MAK16: variants seen among roughly 807,000 people sequenced by gnomAD.
MAK16 encodes MAK16 homolog, also known as protein MAK16 homolog.
A neutral mutation model predicts 49.9 loss-of-function variants in MAK16; 12 were observed. The observed-to-expected ratio is 0.24, with a 90% CI of 0.15 to 0.39. The LOEUF is 0.39. Ranked by LOEUF, MAK16 falls within the 10% of genes least tolerant of loss-of-function variation. The pLI is 1.00. For synonymous variants in MAK16, 115 were observed against 126.4 expected (o/e 0.91, Z 0.60); for missense variants, 292 against 363.7 (o/e 0.80, Z 1.60).
At chr8:33,486,305 C>G (rs187914078) in intron 1 of MAK16, among the ~76,000 whole-genome samples, 1 of 152,134 alleles carries the variant, frequency 6.6e-6, no homozygotes, top group Non-Finnish European at 1.5e-5. Context: ...GTAATCCCAA[C>G]GCTTTGGGAG....
rs114554767 is a variant in MAK16, at chr8:33,499,875, G to T, written c.*1246G>T. On this transcript the variant is annotated 3_prime_UTR_variant, in exon 10 of 10. Transcript: ENST00000360128. ...ATGAAACCAAAGGAAGAATTTCCAT[G>T]TAGATAAATTAAGAATAGGGAAAAA... The T allele has an allele frequency of 0.015, 2,331 of 157,188 alleles. 73 individuals carry two copies. The highest frequency in any genetic ancestry group is 0.053 in the African/African-American group (2,194 of 41,550). The allele number at this position is 157,188 out of a possible 1,614,324, so 9.7% of individuals were successfully genotyped here. A position where few individuals can be genotyped will look rare whatever the true frequency, so the allele number is the denominator to read the frequency against.
chr8:33,486,143 TTG>T (rs1240003669), intron 1 of MAK16, among the ~76,000 whole-genome samples: 1 of 152,198 alleles, frequency 6.6e-6, no homozygotes, highest in African/African-American at 2.4e-5. Flanking sequence ...ATGCAGAATC[TTG>T]TAGGAAGTGT....
chr8:33,496,704 A>T lies in MAK16; in HGVS notation c.602A>T (p.Asp201Val). ...CAGGAGGCAGAGAGTGACTCTTCAG[A>T]TACTGAGGAAAAAGATGATGATGAT... Reference protein sequence around the residue: ...EQQEAESDSSDTEEKDDDDDD... With the variant: ...EQQEAESDSSVTEEKDDDDDD... The change falls in exon 8 of 10, where the codon GAT becomes GTT. Residue 201 changes from aspartate to valine, a missense_variant. Transcript: ENST00000360128. 6.2e-7 allele frequency: 1 copy of T among 1,612,860 alleles called. No homozygotes were observed. Among genetic ancestry groups the T allele is most frequent in the Non-Finnish European group, 8.5e-7 (1 of 1,179,602 alleles).
intron 6 of MAK16, among the ~76,000 whole-genome samples, chr8:33,493,095 G>A (rs1175915807): frequency 6.6e-6 from 1 of 151,624 alleles, no homozygotes; most frequent in Admixed American, 6.6e-5. Flanking sequence ...CTGTATCATT[G>A]GTCTGCAAAG....
At chr8:33,497,355 CAAA>C in intron 9 of MAK16, 58 bp downstream of exon 9, 1 of 395,984 alleles carries the variant, frequency 2.5e-6, no homozygotes, top group Non-Finnish European at 3.9e-6. Context: ...AAAAAAAAAA[CAAA>C]AACAGGGAGG....
In MAK16 at chr8:33,496,610, G is replaced by A; in HGVS notation, c.523-15G>A. 2 of 1,596,902 alleles carry A rather than the reference G, an allele frequency of 1.3e-6. No homozygotes were observed. The highest frequency in any genetic ancestry group is 1.7e-6 in the Non-Finnish European group (2 of 1,166,144). On this transcript the variant is annotated splice_polypyrimidine_tract_variant and intron_variant, in intron 7 of 9. Transcript: ENST00000360128. ...CCAAATGTAGTTAAAGCCAATCTGT[G>A]TTTATGTTCTTCAGTATGGCGACAT... is the stretch of plus-strand genomic sequence containing the variant.
At chr8:33,490,362 A>G in intron 6 of MAK16, 23 bp downstream of exon 6, 2 of 1,599,592 alleles carry the variant, frequency 1.3e-6, no homozygotes, top group Non-Finnish European at 1.7e-6. Flanking sequence ...TGAGATATTC[A>G]TACCTTCTAC....
At position 33,496,717 on chromosome 8, in the gene MAK16, A is replaced by AGATGAT. The variant is rs376700753; in HGVS notation, c.630_635dup (p.Asp210_Asp211dup). On this transcript the variant is annotated inframe_insertion, in exon 8 of 10. Coordinates refer to ENST00000360128, the MANE Select transcript of MAK16 (RefSeq NM_032509.4). ...GTGACTCTTCAGATACTGAGGAAAAAGATGATGATGATGATGATGAGGAAG... is the reference window on the plus strand; with the variant it reads ...GTGACTCTTCAGATACTGAGGAAAAAGATGATGATGATGATGATGATGATGAGGAAG... 1.2e-6 allele frequency: 2 copies of AGATGAT among 1,610,466 alleles called. No homozygotes were observed. Among genetic ancestry groups the AGATGAT allele is most frequent in the African/African-American group, 1.3e-5 (1 of 74,774 alleles).
In MAK16 at chr8:33,499,196, C is replaced by T; in HGVS notation, c.*567C>T. 6.2e-7 allele frequency: 1 copy of T among 1,614,072 alleles called. No individual in the cohort carries two copies. On this transcript the variant is annotated 3_prime_UTR_variant, in exon 10 of 10. Transcript: ENST00000360128. ...TCTTAAGTTCCATTGTAGGGTGCGC[C>T]TTCAGAAACCTGCTGCACTTTTCTG...
chr8:33,488,751 A>T lies in MAK16; in HGVS notation c.193A>T (p.Met65Leu). 6.2e-7 allele frequency: 1 copy of T among 1,614,212 alleles called. No individual in the cohort carries two copies. The highest frequency in any genetic ancestry group is 8.5e-7 in the Non-Finnish European group (1 of 1,180,026). Reference sequence around the variant, plus strand: ...ATCTTCAGGACAGTGCTACTTGTATATGAAGGTTATAGAACGAGCGGCTTT... The same window carrying T: ...ATCTTCAGGACAGTGCTACTTGTATTTGAAGGTTATAGAACGAGCGGCTTT... ...KEEKGQCYLYMKVIERAAFPR... is the reference protein window; with the variant it reads ...KEEKGQCYLYLKVIERAAFPR... Residue 65 changes from methionine (M) to leucine (L), a missense_variant, in exon 4 of 10, where the codon ATG becomes TTG. Physicochemically the swap from Met to Leu is conservative, Grantham distance 15. Coordinates refer to ENST00000360128, the MANE Select transcript of MAK16 (RefSeq NM_032509.4).
At position 33,499,596 on chromosome 8, in the gene MAK16, C is replaced by A; in HGVS notation, c.*967C>A. The A allele has an allele frequency of 4.0e-6, 1 of 251,180 alleles. No homozygotes were observed. Among genetic ancestry groups the A allele is most frequent in the Non-Finnish European group, 7.8e-6 (1 of 128,924 alleles). The allele number at this position is 251,180 out of a possible 1,614,324, so 15.6% of individuals were successfully genotyped here. ...TTGAAAACTGCCCAAGATTAAAGAG[C>A]TAAGATGAAATAGTTTGAATAAACT... is the stretch of plus-strand genomic sequence containing the variant. On this transcript the variant is annotated 3_prime_UTR_variant, in exon 10 of 10. Transcript: ENST00000360128.
At chr8:33,494,467 A>G (rs576647641) in intron 6 of MAK16, among the ~76,000 whole-genome samples, 17 of 152,226 alleles carry the variant, frequency 1.1e-4, no homozygotes, top group Non-Finnish European at 2.4e-4. Flanking sequence ...AGTGTCATCT[A>G]TGAATCCGCT....
chr8:33,494,499 T>C (rs1261737281), intron 6 of MAK16, among the ~76,000 whole-genome samples: 3 of 152,208 alleles, frequency 2.0e-5, no homozygotes. Context: ...ACATAAACAG[T>C]TAAATAGTCG....
chr8:33,491,398 C>T (rs1294966263), intron 6 of MAK16, among the ~76,000 whole-genome samples: 1 of 152,120 alleles, frequency 6.6e-6, no homozygotes. Context: ...TTCCCACCAC[C>T]AGTGCACAAG....
rs778684005 is a variant in MAK16, at chr8:33,495,573, A to G, written c.479A>G (p.Asn160Ser). Residue 160 changes from asparagine (N) to serine (S), a missense_variant, in exon 7 of 10, where the codon AAT (asparagine) becomes AGT (serine). Coordinates refer to ENST00000360128, the MANE Select transcript of MAK16 (RefSeq NM_032509.4). ...EKALIAAQLD[N>S]AIEKELLERL... ...GCATTAATAGCTGCTCAGCTGGACA[A>G]TGCCATTGAGAAGGAATTACTGGAG... is the stretch of plus-strand genomic sequence containing the variant. The G allele has an allele frequency of 2.5e-5, 40 of 1,613,840 alleles. No homozygotes were observed. The East Asian group carries it at 2.7e-4, about 11-fold the overall frequency.
rs911423925 is a variant in MAK16, at chr8:33,498,927, A to G, written c.*298A>G. ...TGAGATGACGGATGTAAATATTTCTAAATTTTAAATGCTACATTACTTGGT... is the reference window on the plus strand; with the variant it reads ...TGAGATGACGGATGTAAATATTTCTGAATTTTAAATGCTACATTACTTGGT... On this transcript the variant is annotated 3_prime_UTR_variant, in exon 10 of 10. Transcript: ENST00000360128. 2.2e-5 allele frequency: 13 copies of G among 578,366 alleles called. No individual in the cohort carries two copies. The highest frequency in any genetic ancestry group is 2.2e-4 in the African/African-American group (12 of 53,414). 35.8% of individuals were successfully genotyped at this position (578,366 alleles called of 1,614,324 possible). A position where few individuals can be genotyped will look rare whatever the true frequency, so the allele number is the denominator to read the frequency against.
chr8:33,488,679 G>C, intron 3 of MAK16, 50 bp downstream of exon 3: 1 of 1,611,620 alleles, frequency 6.2e-7, no homozygotes, highest in Non-Finnish European at 8.5e-7. Flanking sequence ...AGCTTTTACA[G>C]GGATGTTCTT....
Position 33,500,660 on chromosome 8 carries a change from T to G in MAK16, c.*2031T>G. 1.4e-6 allele frequency: 1 copy of G among 725,388 alleles called. No homozygotes were observed. The highest frequency in any genetic ancestry group is 2.2e-6 in the Non-Finnish European group (1 of 458,070). The allele number at this position is 725,388 out of a possible 1,614,324, so 44.9% of individuals were successfully genotyped here. On this transcript the variant is annotated 3_prime_UTR_variant, in exon 10 of 10. Transcript: ENST00000360128. ...GAACCAAAGACAGCCTCTAGATTTC[T>G]TACCCTCAAGTCTCCTGTTAGCATA...
intron 8 of MAK16, among the ~76,000 whole-genome samples, 183 bp from the exon 9 acceptor site, chr8:33,497,049 A>C (rs767859522): frequency 1.8e-4 from 27 of 152,190 alleles, no homozygotes; most frequent in Non-Finnish European, 8.8e-5. Context: ...TAAATCAAGA[A>C]TAAGAATGAT....
Sources: allele counts gnomAD v4.1 joint callset (sites outside exome capture counted in the v4.1 genomes callset), GRCh38; gene constraint gnomAD v4.1.1; transcripts MANE v1.5; gene names NCBI Gene and HGNC (gene_info 2026-07-23, HGNC 2026-07-21).